The following BBOX1 variants were observed in gnomAD, a reference collection of about 807,000 sequenced individuals.
BBOX1 encodes gamma-butyrobetaine dioxygenase.
Under a neutral mutation model 41.6 loss-of-function variants are expected in BBOX1, and 35 were observed. The observed-to-expected ratio is 0.84, with a 90% CI of 0.64 to 1.11. The LOEUF is 1.11. Ranked by LOEUF, BBOX1 falls within the 50% of genes most tolerant of loss-of-function variation. The pLI is 0.00. For missense variants in BBOX1, 458 were observed against 460.6 expected, an observed-to-expected ratio of 0.99 and a Z score of 0.05; for synonymous variants, 163 against 154.7, an observed-to-expected ratio of 1.05 and a Z score of -0.40.
intron 4 of BBOX1, among the ~76,000 whole-genome samples, chr11:27,077,839 G>A (rs1359438226): frequency 2.6e-5 from 4 of 152,070 alleles, no homozygotes; most frequent in Non-Finnish European, 4.4e-5. Flanking sequence ...CAACAGCTTA[G>A]TTGGAGCCTT....
At chr11:27,052,422 A>G (rs952013199) in intron 2 of BBOX1, among the ~76,000 whole-genome samples, 6 of 152,070 alleles carry the variant, frequency 3.9e-5, no homozygotes, top group African/African-American at 1.4e-4. Flanking sequence ...GCTACCTGAA[A>G]AAAATATTTA....
At chr11:27,103,866 T>A (rs1401694379) in intron 5 of BBOX1, among the ~76,000 whole-genome samples, 1 of 152,098 alleles carries the variant, frequency 6.6e-6, no homozygotes, top group Non-Finnish European at 1.5e-5. Context: ...GTTGTTGTTT[T>A]TGTTGTTGTT....
intron 5 of BBOX1, among the ~76,000 whole-genome samples, chr11:27,113,748 C>T (rs1859161431): frequency 6.6e-6 from 1 of 151,312 alleles, no homozygotes; most frequent in Non-Finnish European, 1.5e-5. Context: ...GTACATAAAC[C>T]CCTGTGACAT....
rs755250948 is a variant in BBOX1 at position 27,127,335 on chromosome 11, G to C, written c.1046G>C (p.Arg349Pro). 6.2e-6 allele frequency: 10 copies of C among 1,614,058 alleles called. No homozygotes were observed. The highest frequency in any genetic ancestry group is 8.5e-6 in the Non-Finnish European group (10 of 1,179,990). ...TFDNWRLLHG[R>P]RSYEAGTEIS... ...GATAACTGGCGCTTACTTCATGGCC[G>C]ACGTAGCTATGAAGCAGGAACTGAG... The change falls in exon 9 of 9, where the codon CGA (arginine) becomes CCA (proline). Residue 349 changes from arginine to proline, a missense_variant. Transcript: ENST00000263182.
At position 27,115,661 on chromosome 11, in the gene BBOX1, T is replaced by TA. The variant is rs1409414583; in HGVS notation, c.639+105dup. On this transcript the variant is annotated intron_variant, in intron 6 of 8. Coordinates refer to ENST00000263182, the MANE Select transcript of BBOX1 (RefSeq NM_003986.3). Reference sequence around the variant, plus strand: ...ACATTTCACCAGGTAGTTTGTCTTTTATAAATTTTTTCTCCAAACACAATC... The same window carrying TA: ...ACATTTCACCAGGTAGTTTGTCTTTTAATAAATTTTTTCTCCAAACACAATC... 11 of 1,010,390 alleles carry TA rather than the reference T, an allele frequency of 1.1e-5. No homozygotes were observed. The Admixed American group carries it at 3.7e-4, about 34-fold the overall frequency. 62.6% of individuals were successfully genotyped at this position (1,010,390 alleles called of 1,614,324 possible). A position where few individuals can be genotyped will look rare whatever the true frequency, so the allele number is the denominator to read the frequency against.
At chr11:27,085,623 C>A (rs1374558836) in intron 4 of BBOX1, among the ~76,000 whole-genome samples, 1 of 149,568 alleles carries the variant, frequency 6.7e-6, no homozygotes, top group Non-Finnish European at 1.5e-5. Context: ...TGAGAGACAA[C>A]AATATTTAAG....
chr11:27,107,909 G>A (rs1327407403), intron 5 of BBOX1, among the ~76,000 whole-genome samples: 1 of 152,018 alleles, frequency 6.6e-6, no homozygotes, highest in African/African-American at 2.4e-5. Context: ...CAGCTTTCTT[G>A]GCATGATTCA....
intron 5 of BBOX1, among the ~76,000 whole-genome samples, chr11:27,113,808 TAA>T (rs574427704): frequency 1.5e-5 from 2 of 134,128 alleles, no homozygotes. Flanking sequence ...AACCTAAAAG[TAA>T]AAAAAAAAAA....
chr11:27,080,279 C>G (rs772501640), intron 4 of BBOX1, among the ~76,000 whole-genome samples: 37 of 152,140 alleles, frequency 2.4e-4, no homozygotes, highest in East Asian at 1.5e-3. Context: ...TATTTTCCTC[C>G]TCTTCTATGT....
At chr11:27,095,405 A>G (rs891713997) in intron 5 of BBOX1, among the ~76,000 whole-genome samples, 25 of 152,090 alleles carry the variant, frequency 1.6e-4, no homozygotes, top group African/African-American at 5.5e-4. Context: ...GGTCCTATAA[A>G]AGGGCTTAAT....
At chr11:27,105,926 G>A (rs1858849865) in intron 5 of BBOX1, among the ~76,000 whole-genome samples, 1 of 152,066 alleles carries the variant, frequency 6.6e-6, no homozygotes, top group African/African-American at 2.4e-5. Flanking sequence ...AAGAGAGTGG[G>A]GGCAAATATT....
At chr11:27,110,108 A>G (rs1481832443) in intron 5 of BBOX1, among the ~76,000 whole-genome samples, 1 of 151,896 alleles carries the variant, frequency 6.6e-6, no homozygotes, top group Non-Finnish European at 1.5e-5. Context: ...CCAATTTATC[A>G]GAGAATCCTG....
At chr11:27,055,329 A>T in intron 2 of BBOX1, 64 bp from the exon 3 acceptor site, 1 of 1,175,348 alleles carries the variant, frequency 8.5e-7, no homozygotes, top group African/African-American at 1.5e-5. Flanking sequence ...AAGTGTTCAC[A>T]CTCTCAGAGG....
At chr11:27,048,749 C>CTT (rs35376713) in intron 2 of BBOX1, among the ~76,000 whole-genome samples, 42,051 of 132,882 alleles carry the variant, frequency 0.32, 6,729 homozygotes, top group East Asian at 0.45. Flanking sequence ...AATGGTAGTT[C>CTT]TTTTTTTTTT....
chr11:27,089,884 T>C (rs1474269941), intron 4 of BBOX1, among the ~76,000 whole-genome samples: 1 of 152,038 alleles, frequency 6.6e-6, no homozygotes, highest in African/African-American at 2.4e-5. Flanking sequence ...AGTTAGGCAG[T>C]CAGTATGTAA....
intron 5 of BBOX1, 128 bp from the exon 6 acceptor site, chr11:27,115,324 T>C: frequency 1.5e-6 from 1 of 689,076 alleles, no homozygotes; most frequent in East Asian, 3.0e-5. Context: ...GTCTCACTCA[T>C]AGTCATTATG....
chr11:27,076,911 C>T (rs1461953287), intron 4 of BBOX1, among the ~76,000 whole-genome samples: 1 of 152,154 alleles, frequency 6.6e-6, no homozygotes, highest in Non-Finnish European at 1.5e-5. Context: ...AGGTCTCAGA[C>T]TTGCAGTGCT....
At chr11:27,105,999 T>C (rs1355801359) in intron 5 of BBOX1, among the ~76,000 whole-genome samples, 2 of 152,066 alleles carry the variant, frequency 1.3e-5, no homozygotes, top group Non-Finnish European at 2.9e-5. Flanking sequence ...CTAAGCTTCA[T>C]AAGTGAAGGA....
chr11:27,067,761 A>AAAAAT (rs1173211026), intron 4 of BBOX1, among the ~76,000 whole-genome samples: 2 of 151,962 alleles, frequency 1.3e-5, no homozygotes, highest in African/African-American at 4.8e-5. Flanking sequence ...ACTCCATCTC[A>AAAAAT]AAAATAAAAT....
Sources: gnomAD v4.1 joint callset for allele counts (sites outside exome capture counted in the v4.1 genomes callset) on GRCh38, gnomAD v4.1.1 for gene constraint, MANE v1.5 for transcripts, NCBI Gene and HGNC (gene_info 2026-07-23, HGNC 2026-07-21) for gene names.